Variants in RNF215 observed in about 807,000 individuals in gnomAD.
The protein encoded by RNF215 is ring finger protein 215.
RNF215 carries 41 observed loss-of-function variants against 44.8 expected under a neutral mutation model. The ratio of observed to expected loss-of-function variants is 0.92; its 90% CI spans 0.71 to 1.19. RNF215 has a LOEUF of 1.19. Among genes scored for constraint, RNF215 ranks in the 50% most tolerant of loss-of-function variants. The pLI, the probability that RNF215 is intolerant of heterozygous loss-of-function variation, is 0.00. For missense variants in RNF215, 452 were observed against 496.2 expected (o/e 0.91, Z 0.85); for synonymous variants, 218 against 230.1 (o/e 0.95, Z 0.48).
At chr22:30,385,370 C>T (rs1251551161) in intron 4 of RNF215, among the ~76,000 whole-genome samples, 3 of 148,612 alleles carry the variant, frequency 2.0e-5, no homozygotes, top group South Asian at 2.1e-4. Flanking sequence ...TGCAGAGAGC[C>T]GAGATCGCGC....
chr22:30,384,174 C>A (rs1476956270), intron 5 of RNF215, among the ~76,000 whole-genome samples, 165 bp downstream of exon 5: 1 of 152,294 alleles, frequency 6.6e-6, no homozygotes, highest in South Asian at 2.1e-4. Context: ...CAACTGAGCG[C>A]CCACCTACAC....
chr22:30,386,550 C>A, intron 2 of RNF215, 66 bp downstream of exon 2: 1 of 1,553,144 alleles, frequency 6.4e-7, no homozygotes, highest in Non-Finnish European at 8.7e-7. Context: ...CTAAGGAGGG[C>A]CTGGCTCTAG....
In RNF215 at chr22:30,386,099, G is replaced by A; in HGVS notation, c.472C>T (p.Leu158Phe). The A allele has an allele frequency of 6.2e-7, 1 of 1,608,334 alleles. No individual in the cohort carries two copies. The highest frequency in any genetic ancestry group is 8.5e-7 in the Non-Finnish European group (1 of 1,177,588). Residue 158 changes from leucine (L) to phenylalanine (F), a missense_variant, in exon 3 of 9, where the codon CTC becomes TTC. Physicochemically the swap from Leu to Phe is conservative, Grantham distance 22. Transcript: ENST00000382363. ...LFLGASALLL[L>F]ILNHNVVREL... Reference sequence around the variant, plus strand: ...CGGACCACGTTGTGGTTCAGGATGAGAAGAAGCAGGGCAGAGGCACCCAGG... The same window carrying A: ...CGGACCACGTTGTGGTTCAGGATGAAAAGAAGCAGGGCAGAGGCACCCAGG...
Position 30,379,414 on chromosome 22 carries a change from G to A in RNF215, c.*186C>T, listed in dbSNP as rs1933487209. On this transcript the variant is annotated 3_prime_UTR_variant, in exon 9 of 9. Coordinates refer to ENST00000382363, the MANE Select transcript of RNF215 (RefSeq NM_001017981.2). ...GACAGGTCCCAGCCCTAGATCCTCA[G>A]TCTGAAGCTGTGGGGCCCTCCTTCC... 1.5e-6 allele frequency: 1 copy of A among 679,984 alleles called. No homozygotes were observed. Among genetic ancestry groups the A allele is most frequent in the African/African-American group, 1.8e-5 (1 of 55,676 alleles). 42.1% of individuals were successfully genotyped at this position (679,984 alleles called of 1,614,324 possible). A position where few individuals can be genotyped will look rare whatever the true frequency, so the allele number is the denominator to read the frequency against.
At chr22:30,386,593 T>C (rs1410999543) in intron 2 of RNF215, 23 bp downstream of exon 2, 2 of 1,601,714 alleles carry the variant, frequency 1.2e-6, no homozygotes, top group South Asian at 1.1e-5. Flanking sequence ...TCCAGCCCCC[T>C]CCCCCATAGA....
intron 4 of RNF215, chr22:30,384,808 A>T: frequency 4.1e-6 from 1 of 243,186 alleles, no homozygotes; most frequent in Non-Finnish European, 7.6e-6. Context: ...GGGACAGGAC[A>T]GTCTTTCTTT....
chr22:30,385,977 G>A lies in RNF215; in HGVS notation c.514C>T (p.Gln172Ter). 6.2e-7 allele frequency: 1 copy of A among 1,614,116 alleles called. No individual in the cohort carries two copies. The highest frequency in any genetic ancestry group is 8.5e-7 in the Non-Finnish European group (1 of 1,180,012). ...HNVVRELDIS[Q>*]LLLRPVIVLH... ...ACGATCACTGGCCTGAGCAGAAGCT[G>A]GGATATGTCCAGCTGCAGGGAGACA... The change falls in exon 4 of 9, where the codon CAG becomes TAG. Residue 172 changes from glutamine to a stop codon, truncating the protein, a stop_gained. Coordinates refer to ENST00000382363, the MANE Select transcript of RNF215 (RefSeq NM_001017981.2). LOFTEE classifies it high-confidence loss of function.
In RNF215 at chr22:30,379,559, C is replaced by CA; in HGVS notation, c.*40dup. ...CCCAGGCTGAGGACCGGGGTGCAGG[C>CA]AGGAAGGGTCCATCCCCATGTGCAG... On this transcript the variant is annotated 3_prime_UTR_variant, in exon 9 of 9. Transcript: ENST00000382363. The CA allele has an allele frequency of 6.5e-7, 1 of 1,547,488 alleles. No individual in the cohort carries two copies. The highest frequency in any genetic ancestry group is 2.0e-5 in the Admixed American group (1 of 51,000).
rs191884317 is a variant in RNF215, at chr22:30,380,601, C to A, written c.745-200G>T. Among the ~76,000 whole-genome samples the A allele has an allele frequency of 6.6e-6, 1 of 152,158 alleles. No homozygotes were observed. Among genetic ancestry groups the A allele is most frequent in the East Asian group, 1.9e-4 (1 of 5,192 alleles). On this transcript the variant is annotated intron_variant, in intron 5 of 8. Transcript: ENST00000382363. This position sits in a 1 kb window ranked among gnomAD's most constrained non-coding sequence, Gnocchi z 5.3. Reference sequence around the variant, plus strand: ...TCAGGATCACTCACTCTGCCCTACACGTCTTCCCATCCAGCTCCAAGGAGA... The same window carrying A: ...TCAGGATCACTCACTCTGCCCTACAAGTCTTCCCATCCAGCTCCAAGGAGA...
intron 1 of RNF215, 47 bp downstream of exon 1, chr22:30,386,982 T>C: frequency 6.5e-7 from 1 of 1,531,350 alleles, no homozygotes. Flanking sequence ...TAGGGAGGGT[T>C]GAGAGAGGGG....
In RNF215 at chr22:30,379,497, G is replaced by A; in HGVS notation, c.*103C>T. 2.8e-6 allele frequency: 4 copies of A among 1,419,384 alleles called. No homozygotes were observed. The South Asian group carries it at 5.2e-5, about 18-fold the overall frequency. The allele number at this position is 1,419,384 out of a possible 1,614,324, so 87.9% of individuals were successfully genotyped here. On this transcript the variant is annotated 3_prime_UTR_variant, in exon 9 of 9. Transcript: ENST00000382363. ...TCCCACCCACTGGGCTTGCTGTCCTGTCTATCCTGCTGTCCCATCCTGTCC... is the reference window on the plus strand; with the variant it reads ...TCCCACCCACTGGGCTTGCTGTCCTATCTATCCTGCTGTCCCATCCTGTCC...
chr22:30,384,535 T>C (rs770309923), intron 4 of RNF215, 40 bp from the exon 5 acceptor site: 1 of 1,596,796 alleles, frequency 6.3e-7, no homozygotes, highest in Non-Finnish European at 8.6e-7. Context: ...GAAGGACTCT[T>C]GGGAAGGGAG....
intron 3 of RNF215, 29 bp from the exon 4 acceptor site, chr22:30,386,018 CTGGG>C: frequency 6.2e-7 from 1 of 1,613,902 alleles, no homozygotes; most frequent in Middle Eastern, 1.7e-4. Flanking sequence ...GTCAGCAGGC[CTGGG>C]TCCCCCTTTC....
At chr22:30,386,559 A>G (rs1933602527) in intron 2 of RNF215, 57 bp downstream of exon 2, 2 of 1,569,312 alleles carry the variant, frequency 1.3e-6, no homozygotes, top group African/African-American at 1.3e-5. Flanking sequence ...GCCTGGCTCT[A>G]GCAGATGCCT....
intron 5 of RNF215, among the ~76,000 whole-genome samples, chr22:30,381,903 T>TG (rs1933534667): frequency 6.6e-6 from 1 of 152,144 alleles, no homozygotes; most frequent in Admixed American, 6.5e-5. Context: ...CCAGGCTGAG[T>TG]GCCTTTATCA....
chr22:30,384,296 G>C, intron 5 of RNF215, 43 bp downstream of exon 5: 3 of 1,585,774 alleles, frequency 1.9e-6, no homozygotes, highest in Non-Finnish European at 2.6e-6. Flanking sequence ...ATGGCCCCAC[G>C]AGCCTCCTTT....
At chr22:30,382,422 G>A (rs1933542449) in intron 5 of RNF215, among the ~76,000 whole-genome samples, 1 of 148,784 alleles carries the variant, frequency 6.7e-6, no homozygotes, top group East Asian at 2.0e-4. Flanking sequence ...AAAAAAAAAA[G>A]CTTGTGGACA....
At chr22:30,383,526 T>G (rs1601758833) in intron 5 of RNF215, among the ~76,000 whole-genome samples, 1 of 152,134 alleles carries the variant, frequency 6.6e-6, no homozygotes, top group Non-Finnish European at 1.5e-5. Flanking sequence ...ATTGCCCCAC[T>G]TGAAGCTGCC....
chr22:30,385,905 G>A lies in RNF215; in HGVS notation c.586C>T (p.Gln196Ter), dbSNP rs765259197. Reference sequence around the variant, plus strand: ...TTTGAAGTCTAAATACCAACTCACTGCAGCAATGCATCCAACAGCTTGGTG... The same window carrying A: ...TTTGAAGTCTAAATACCAACTCACTACAGCAATGCATCCAACAGCTTGGTG... ...NVTKLLDALL[Q>*]RTQATAEITS... The change falls in exon 4 of 9, where the codon CAG (glutamine) becomes TAG (stop). Residue 196 changes from glutamine (Q) to a stop codon, truncating the protein, a stop_gained and splice_region_variant. Coordinates refer to ENST00000382363, the MANE Select transcript of RNF215 (RefSeq NM_001017981.2). LOFTEE classifies it high-confidence loss of function. 5.6e-6 allele frequency: 9 copies of A among 1,613,768 alleles called. No homozygotes were observed. The South Asian group carries it at 9.9e-5, about 18-fold the overall frequency.
Sources: gnomAD v4.1 joint callset for allele counts (sites outside exome capture counted in the v4.1 genomes callset) on GRCh38, gnomAD v4.1.1 for gene constraint, Gnocchi (gnomAD v3.1) non-coding constraint, MANE v1.5 for transcripts, NCBI Gene and HGNC (gene_info 2026-07-23, HGNC 2026-07-21) for gene names.